Variants in COL8A1 observed in about 807,000 individuals in gnomAD.
COL8A1 encodes the protein collagen type VIII alpha 1 chain.
In COL8A1, 21 loss-of-function variants were observed where a neutral mutation model predicts 42.7. The observed-to-expected ratio is 0.49, with a 90% CI of 0.35 to 0.71. COL8A1 has a LOEUF of 0.71. COL8A1 is among the 30% of genes least tolerant of loss of function. COL8A1 has a pLI of 0.01. For missense variants in COL8A1, 788 were observed against 962.4 expected, an observed-to-expected ratio of 0.82 and a Z score of 2.40; for synonymous variants, 367 against 369.1, an observed-to-expected ratio of 0.99 and a Z score of 0.06.
chr3:99,658,079 A>T (rs1322170173), intron 1 of COL8A1, among the ~76,000 whole-genome samples: 1 of 150,854 alleles, frequency 6.6e-6, no homozygotes, highest in Non-Finnish European at 1.5e-5. Flanking sequence ...GTGAGCCGAG[A>T]TCGCACCACT....
chr3:99,768,677 A>T (rs1941517301), intron 2 of COL8A1, among the ~76,000 whole-genome samples: 2 of 152,338 alleles, frequency 1.3e-5, no homozygotes, highest in South Asian at 4.1e-4. Context: ...ATGTTAGTAC[A>T]GAGCCAGGTT....
At chr3:99,761,116 C>G (rs1553681225) in intron 2 of COL8A1, among the ~76,000 whole-genome samples, 1 of 152,122 alleles carries the variant, frequency 6.6e-6, no homozygotes, top group Non-Finnish European at 1.5e-5. Flanking sequence ...ACCCACATGA[C>G]ATGTATATAG....
At chr3:99,687,461 A>G (rs1243004169) in intron 1 of COL8A1, among the ~76,000 whole-genome samples, 3 of 152,160 alleles carry the variant, frequency 2.0e-5, no homozygotes. Context: ...ACATGTCACA[A>G]ATGGAGAGGA....
intron 2 of COL8A1, among the ~76,000 whole-genome samples, chr3:99,782,850 G>A (rs987241508): frequency 1.1e-4 from 17 of 152,032 alleles, no homozygotes; most frequent in African/African-American, 2.2e-4. Flanking sequence ...ACTTGGGTCC[G>A]AACTAAAACT....
intron 1 of COL8A1, among the ~76,000 whole-genome samples, chr3:99,654,642 G>A (rs925381063): frequency 3.3e-5 from 5 of 152,054 alleles, no homozygotes; most frequent in African/African-American, 1.2e-4. Flanking sequence ...ACAAAGACTA[G>A]CCAGGTGTGG....
At chr3:99,649,844 G>T (rs1386380871) in intron 1 of COL8A1, among the ~76,000 whole-genome samples, 1 of 151,960 alleles carries the variant, frequency 6.6e-6, no homozygotes, top group Non-Finnish European at 1.5e-5. Context: ...ACTGAACTCT[G>T]CAGCTAAACA....
At chr3:99,765,978 C>T (rs1941457156) in intron 2 of COL8A1, among the ~76,000 whole-genome samples, 1 of 152,146 alleles carries the variant, frequency 6.6e-6, no homozygotes, top group African/African-American at 2.4e-5. Context: ...CAAATGTTAG[C>T]TCAACAAACC....
chr3:99,660,112 C>G (rs1229908053), intron 1 of COL8A1, among the ~76,000 whole-genome samples: 1 of 152,176 alleles, frequency 6.6e-6, no homozygotes, highest in African/African-American at 2.4e-5. Flanking sequence ...CATTTACATT[C>G]CAACCCGGAA....
rs1294440750 is a variant in COL8A1, at chr3:99,798,616, A to ATG, written c.*2481_*2482insGT. 8.0e-5 allele frequency: 8 copies of ATG among 100,296 alleles called. No homozygotes were observed. Among genetic ancestry groups the ATG allele is most frequent in the Admixed American group, 6.7e-4 (7 of 10,392 alleles). The allele number at this position is 100,296 out of a possible 1,614,324, so 6.2% of individuals were successfully genotyped here. On this transcript the variant is annotated 3_prime_UTR_variant, in exon 4 of 4. Transcript: ENST00000652472. The stretch of plus-strand genomic sequence containing the variant: ...CACTCAATTGCCTATATATATATAT[A>ATG]TATGTGTGTGTGTGTGTGTGTGCGC...
intron 1 of COL8A1, chr3:99,679,502 C>T (rs919592581): frequency 1.3e-5 from 2 of 152,188 alleles, no homozygotes; most frequent in East Asian, 1.9e-4. Context: ...TAGACAACTG[C>T]ATTTCATTCA....
intron 1 of COL8A1, among the ~76,000 whole-genome samples, chr3:99,685,076 G>T (rs1939007262): frequency 6.6e-6 from 1 of 151,908 alleles, no homozygotes; most frequent in Non-Finnish European, 1.5e-5. Flanking sequence ...CTCATTCTGA[G>T]GAATAAATTT....
chr3:99,796,001 A>G lies in COL8A1; in HGVS notation c.2100A>G (p.Ala700=). The G allele has an allele frequency of 1.2e-6, 2 of 1,613,984 alleles. No homozygotes were observed. The highest frequency in any genetic ancestry group is 1.7e-6 in the Non-Finnish European group (2 of 1,179,956). Residue 700 remains alanine, a synonymous_variant, in exon 4 of 4, where the codon GCA becomes GCG. Transcript: ENST00000652472. ...DEYKKGFLDQ[A]SGSAVLLLRP... ...ACAAAAAGGGCTTCCTGGACCAGGCATCTGGGAGTGCAGTGCTGCTGCTCA... is the reference window on the plus strand; with the variant it reads ...ACAAAAAGGGCTTCCTGGACCAGGCGTCTGGGAGTGCAGTGCTGCTGCTCA...
intron 2 of COL8A1, among the ~76,000 whole-genome samples, chr3:99,758,081 G>C (rs540125875): frequency 6.6e-6 from 1 of 152,154 alleles, no homozygotes; most frequent in South Asian, 2.1e-4. Flanking sequence ...ACATTACAGA[G>C]AGATAAAATA....
At chr3:99,690,575 T>C (rs549734107) in intron 1 of COL8A1, among the ~76,000 whole-genome samples, 3 of 152,330 alleles carry the variant, frequency 2.0e-5, no homozygotes, top group African/African-American at 7.2e-5. Flanking sequence ...ACTCAAAAAA[T>C]ATTATTGGAT....
chr3:99,755,606 G>A (rs141051860), intron 2 of COL8A1, among the ~76,000 whole-genome samples: 7 of 152,340 alleles, frequency 4.6e-5, no homozygotes, highest in Admixed American at 1.3e-4. Context: ...ATGATAGGAT[G>A]AGGGATGCTG....
intron 1 of COL8A1, among the ~76,000 whole-genome samples, chr3:99,701,140 C>G (rs959469509): frequency 6.6e-6 from 1 of 152,166 alleles, no homozygotes; most frequent in African/African-American, 2.4e-5. Context: ...CATAGCAAGG[C>G]CCCGGCTGAG....
chr3:99,730,968 C>T (rs1180041973), intron 1 of COL8A1, among the ~76,000 whole-genome samples: 1 of 151,912 alleles, frequency 6.6e-6, no homozygotes, highest in African/African-American at 2.4e-5. Context: ...TTTTGTAGTG[C>T]TAAGTTCTGT....
chr3:99,761,220 T>A (rs1941358723), intron 2 of COL8A1, among the ~76,000 whole-genome samples: 3 of 152,330 alleles, frequency 2.0e-5, no homozygotes, highest in East Asian at 1.9e-4. Context: ...TACCAATTTC[T>A]CTTAAAATAC....
At chr3:99,731,966 A>G (rs544772009) in intron 1 of COL8A1, among the ~76,000 whole-genome samples, 53 of 152,272 alleles carry the variant, frequency 3.5e-4, no homozygotes, top group African/African-American at 1.3e-3. Context: ...TGATGCCTCT[A>G]CAAGCTGAGA....
Sources: allele counts gnomAD v4.1 joint callset (sites outside exome capture counted in the v4.1 genomes callset), GRCh38; gene constraint gnomAD v4.1.1; transcripts MANE v1.5; gene names NCBI Gene and HGNC (gene_info 2026-07-23, HGNC 2026-07-21).